The following RASGRP4 variants were observed in gnomAD, a reference collection of about 807,000 sequenced individuals.
The protein encoded by RASGRP4 is RAS guanyl-releasing protein 4.
In RASGRP4, 52 loss-of-function variants were observed where a neutral mutation model predicts 84.4. That is an observed-to-expected ratio of 0.62 (90% confidence interval 0.49 to 0.78). RASGRP4 has a LOEUF of 0.78. RASGRP4 is among the 30% of genes least tolerant of loss of function. The pLI is 0.00. For synonymous variants in RASGRP4, 356 were observed against 359.1 expected, an observed-to-expected ratio of 0.99 and a Z score of 0.10; for missense variants, 760 against 886.9, an observed-to-expected ratio of 0.86 and a Z score of 1.82.
Position 38,417,016 on chromosome 19 carries a change from A to G in RASGRP4, c.954+36T>C. ...TAGGTGTGGGGGCTCAAGACAGCTGACCACTTGGAGCTTTGGGGAGGGTAG... is the reference window on the plus strand; with the variant it reads ...TAGGTGTGGGGGCTCAAGACAGCTGGCCACTTGGAGCTTTGGGGAGGGTAG... On this transcript the variant is annotated intron_variant, in intron 8 of 16. Coordinates refer to ENST00000615439, the MANE Select transcript of RASGRP4 (RefSeq NM_170604.3). The surrounding 1 kb of genome is among the most constrained non-coding windows in gnomAD (Gnocchi z 5.1). The G allele has an allele frequency of 7.8e-7, 1 of 1,279,740 alleles. No homozygotes were observed. The highest frequency in any genetic ancestry group is 1.1e-6 in the Non-Finnish European group (1 of 898,338). The allele number at this position is 1,279,740 out of a possible 1,614,324, so 79.3% of individuals were successfully genotyped here.
At chr19:38,425,758 G>T (rs1465764910) in intron 1 of RASGRP4, among the ~76,000 whole-genome samples, 2 of 152,176 alleles carry the variant, frequency 1.3e-5, no homozygotes, top group Admixed American at 1.3e-4. Context: ...AGTCCACGGG[G>T]ATGGGGAACC....
Position 38,420,986 on chromosome 19 carries a change from G to C in RASGRP4, c.315-16C>G. On this transcript the variant is annotated splice_polypyrimidine_tract_variant and intron_variant, in intron 3 of 16. Coordinates refer to ENST00000615439, the MANE Select transcript of RASGRP4 (RefSeq NM_170604.3). ...CTTCTGGTATTTGAGTTCTGGTCAA[G>C]GCTCTGTTTTCCAGGATCCATGACC... The C allele has an allele frequency of 1.2e-6, 2 of 1,613,902 alleles. No individual in the cohort carries two copies. The highest frequency in any genetic ancestry group is 2.2e-5 in the East Asian group (1 of 44,884).
At chr19:38,421,722 G>C (rs1438747265) in intron 2 of RASGRP4, among the ~76,000 whole-genome samples, 1 of 146,124 alleles carries the variant, frequency 6.8e-6, no homozygotes, top group Non-Finnish European at 1.5e-5. Flanking sequence ...AAAAGAAAAA[G>C]AAAAGAAAAG....
Position 38,412,547 on chromosome 19 carries a change from G to C in RASGRP4, c.1680+125C>G. Reference sequence around the variant, plus strand: ...ATATAGGGAATGTCTGGTGTTTAGGGTTTATATGAAACAGGATGATTTGAA... The same window carrying C: ...ATATAGGGAATGTCTGGTGTTTAGGCTTTATATGAAACAGGATGATTTGAA... On this transcript the variant is annotated intron_variant, in intron 13 of 16. Transcript: ENST00000615439. The surrounding 1 kb of genome is among the most constrained non-coding windows in gnomAD (Gnocchi z 4.6). 1.1e-6 allele frequency: 1 copy of C among 895,188 alleles called. No individual in the cohort carries two copies. The highest frequency in any genetic ancestry group is 2.8e-5 in the Admixed American group (1 of 36,282). 55.5% of individuals were successfully genotyped at this position (895,188 alleles called of 1,614,324 possible). A position where few individuals can be genotyped will look rare whatever the true frequency, so the allele number is the denominator to read the frequency against.
intron 1 of RASGRP4, among the ~76,000 whole-genome samples, chr19:38,422,939 G>A (rs1256235580): frequency 6.6e-6 from 1 of 151,986 alleles, no homozygotes; most frequent in African/African-American, 2.4e-5. Context: ...GGGAATCACA[G>A]TAGAAGACCC....
intron 1 of RASGRP4, among the ~76,000 whole-genome samples, chr19:38,424,104 G>A (rs898797753): frequency 7.2e-5 from 11 of 151,908 alleles, no homozygotes; most frequent in African/African-American, 2.7e-4. Flanking sequence ...CCTTCTCCAG[G>A]GATTTCTTTT....
chr19:38,411,529 TG>T, intron 13 of RASGRP4, 148 bp from the exon 14 acceptor site: 1 of 789,720 alleles, frequency 1.3e-6, no homozygotes. Context: ...GGAATGTGGG[TG>T]GGGTACAGTG....
chr19:38,412,655 TG>T lies in RASGRP4; in HGVS notation c.1680+16del. The T allele has an allele frequency of 6.2e-7, 1 of 1,609,590 alleles. No homozygotes were observed. The highest frequency in any genetic ancestry group is 8.5e-7 in the Non-Finnish European group (1 of 1,177,850). ...GACAGATGGAACCTAAGGGTGGTGA[TG>T]GGGTGGGGTGCTCACGAAGCCACTG... On this transcript the variant is annotated intron_variant, in intron 13 of 16. Transcript: ENST00000615439. This position sits in a 1 kb window ranked among gnomAD's most constrained non-coding sequence, Gnocchi z 4.6.
In RASGRP4 at chr19:38,420,928, C is replaced by T. The variant is rs774496233; in HGVS notation, c.357G>A (p.Leu119=). 14 of 1,613,780 alleles carry T rather than the reference C, an allele frequency of 8.7e-6. No homozygotes were observed. Among genetic ancestry groups the T allele is most frequent in the East Asian group, 2.2e-5 (1 of 44,898 alleles). ...ATGDTQELRR[L]QICHLVRYWL... ...CCTACCTGACCAGGTGACAGATCTG[C>T]AGCCGTCTCAGCTCCTGGGTGTCCC... The change falls in exon 4 of 17, where the codon CTG becomes CTA. Residue 119 remains leucine (L), a synonymous_variant. Transcript: ENST00000615439.
rs377629510 is a variant in RASGRP4, at chr19:38,420,305, G to A, written c.378-43C>T. On this transcript the variant is annotated intron_variant, in intron 4 of 16. Coordinates refer to ENST00000615439, the MANE Select transcript of RASGRP4 (RefSeq NM_170604.3). ...ATGGTGAGATGAGGCCGGGGGTGGC[G>A]AAGGTCTCTACAAGGGGTATTTTGG... 84 of 1,600,422 alleles carry A rather than the reference G, an allele frequency of 5.2e-5. 1 individual carries two copies. Among genetic ancestry groups the A allele is most frequent in the South Asian group, 2.8e-4 (25 of 89,106 alleles).
chr19:38,419,867 G>C lies in RASGRP4; in HGVS notation c.656C>G (p.Ala219Gly), dbSNP rs1971661751. The change falls in exon 6 of 17, where the codon GCT (alanine) becomes GGT (glycine). Residue 219 changes from alanine to glycine, a missense_variant. By Grantham distance (60) the Ala-to-Gly change is moderately conservative. Transcript: ENST00000615439. ...ATGGGAGGGGGTCCTCACCGTGATAGCCTGGAAGGACCGGAACTCCAGGTA... is the reference window on the plus strand; with the variant it reads ...ATGGGAGGGGGTCCTCACCGTGATACCCTGGAAGGACCGGAACTCCAGGTA... ...LTYLEFRSFQAITPQDLRSYV... is the reference protein window; with the variant it reads ...LTYLEFRSFQGITPQDLRSYV... 1 of 1,596,386 alleles carries C rather than the reference G, an allele frequency of 6.3e-7. No homozygotes were observed.
intron 8 of RASGRP4, among the ~76,000 whole-genome samples, chr19:38,415,926 G>A (rs1218036184): frequency 6.6e-6 from 1 of 151,338 alleles, no homozygotes; most frequent in Non-Finnish European, 1.5e-5. Context: ...GGGTCTGGTG[G>A]TGCAGGCCTG....
intron 1 of RASGRP4, among the ~76,000 whole-genome samples, chr19:38,425,513 T>A (rs866775502): frequency 2.9e-4 from 44 of 151,800 alleles, no homozygotes; most frequent in South Asian, 1.0e-3. Flanking sequence ...GCAGGAGGAG[T>A]TACCCAGGCT....
chr19:38,415,037 C>A lies in RASGRP4; in HGVS notation c.1041G>T (p.Arg347=). The part of the protein sequence containing the change: ...RRTWAGCAGF[R]LPVLGVHLKD... ...TGAGGTGCACGCCCAGTACAGGCAG[C>A]CGGAAACCCGCGCAGCCAGCCCAGG... Residue 347 remains arginine (R), a synonymous_variant, in exon 9 of 17, where the codon CGG becomes CGT. Transcript: ENST00000615439. 1 of 1,608,648 alleles carries A rather than the reference C, an allele frequency of 6.2e-7. No individual in the cohort carries two copies. Among genetic ancestry groups the A allele is most frequent in the East Asian group, 2.2e-5 (1 of 44,696 alleles).
chr19:38,415,310 G>C (rs978350814), intron 8 of RASGRP4, among the ~76,000 whole-genome samples, 187 bp from the exon 9 acceptor site: 1 of 151,738 alleles, frequency 6.6e-6, no homozygotes, highest in Admixed American at 6.6e-5. Context: ...CCATCTCAGA[G>C]AAGTTCCACA....
In RASGRP4 at chr19:38,412,476, A is replaced by G; in HGVS notation, c.1680+196T>C. The G allele has an allele frequency of 1.6e-6, 1 of 606,588 alleles. No individual in the cohort carries two copies. The highest frequency in any genetic ancestry group is 2.9e-6 in the Non-Finnish European group (1 of 349,492). 37.6% of individuals were successfully genotyped at this position (606,588 alleles called of 1,614,324 possible). A position where few individuals can be genotyped will look rare whatever the true frequency, so the allele number is the denominator to read the frequency against. On this transcript the variant is annotated intron_variant, in intron 13 of 16. Coordinates refer to ENST00000615439, the MANE Select transcript of RASGRP4 (RefSeq NM_170604.3). This position sits in a 1 kb window ranked among gnomAD's most constrained non-coding sequence, Gnocchi z 4.6. ...GGTTCAGCAATTGTCTGGGGTGGAC[A>G]TTATCTGGGATTTTGGGATTATCTG...
At position 38,414,844 on chromosome 19, in the gene RASGRP4, T is replaced by C; in HGVS notation, c.1230+4A>G. 1 of 1,581,850 alleles carries C rather than the reference T, an allele frequency of 6.3e-7. No individual in the cohort carries two copies. Among genetic ancestry groups the C allele is most frequent in the Non-Finnish European group, 8.6e-7 (1 of 1,163,580 alleles). On this transcript the variant is annotated splice_donor_region_variant and intron_variant, in intron 9 of 16. Transcript: ENST00000615439. ...CCAGCCTGGGCGGGGCCAGGGGGGC[T>C]CACCGTGAGCAGGTGCAGCAGATCC...
chr19:38,415,168 C>A, intron 8 of RASGRP4, 45 bp from the exon 9 acceptor site: 1 of 1,512,418 alleles, frequency 6.6e-7, no homozygotes, highest in South Asian at 1.3e-5. Context: ...AGGACAGTCC[C>A]ATCCCCTGAG....
In RASGRP4 at chr19:38,418,320, G is replaced by A. The variant is rs1038831800; in HGVS notation, c.837+71C>T. On this transcript the variant is annotated intron_variant, in intron 7 of 16. Transcript: ENST00000615439. The surrounding 1 kb of genome is among the most constrained non-coding windows in gnomAD (Gnocchi z 4.6). ...ACCGCCGGGATGACCCTGTGGGGTC[G>A]AGGGTCTGGAAGGGGAAGGACCAGG... The A allele has an allele frequency of 6.8e-7, 1 of 1,475,222 alleles. No individual in the cohort carries two copies. The highest frequency in any genetic ancestry group is 2.0e-5 in the Admixed American group (1 of 50,592). The allele number at this position is 1,475,222 out of a possible 1,614,324, so 91.4% of individuals were successfully genotyped here. A position where few individuals can be genotyped will look rare whatever the true frequency, so the allele number is the denominator to read the frequency against.
Sources: allele counts gnomAD v4.1 joint callset (sites outside exome capture counted in the v4.1 genomes callset), GRCh38; gene constraint gnomAD v4.1.1; non-coding constraint Gnocchi (gnomAD v3.1); transcripts MANE v1.5; gene names NCBI Gene and HGNC (gene_info 2026-07-23, HGNC 2026-07-21).